POC1B: variants seen among roughly 807,000 people sequenced by gnomAD.
POC1B encodes the protein POC1 centriolar protein B.
A neutral mutation model predicts 60.6 loss-of-function variants in POC1B; 44 were observed. The ratio of observed to expected loss-of-function variants is 0.73; its 90% CI spans 0.57 to 0.93. The LOEUF (loss-of-function observed/expected upper bound fraction) is 0.93. POC1B is among the 40% of genes least tolerant of loss of function. The pLI, the probability that POC1B is intolerant of heterozygous loss-of-function variation, is 0.00. For missense variants in POC1B, 555 were observed against 572.3 expected, an observed-to-expected ratio of 0.97 and a Z score of 0.31; for synonymous variants, 180 against 198.9, an observed-to-expected ratio of 0.90 and a Z score of 0.80.
intron 9 of POC1B, among the ~76,000 whole-genome samples, chr12:89,463,894 T>G (rs1485984808): frequency 6.6e-6 from 1 of 152,146 alleles, no homozygotes; most frequent in South Asian, 2.1e-4. Context: ...TTCAAACAAG[T>G]GAAGCGCTTA....
At chr12:89,423,599 T>C (rs559847062) in intron 11 of POC1B, among the ~76,000 whole-genome samples, 8 of 152,356 alleles carry the variant, frequency 5.3e-5, no homozygotes, top group Non-Finnish European at 1.2e-4. Flanking sequence ...ATAAACACCG[T>C]CCAACTTAGT....
At chr12:89,421,374 A>C in intron 11 of POC1B, 117 bp from the exon 12 acceptor site, 1 of 811,558 alleles carries the variant, frequency 1.2e-6, no homozygotes, top group Middle Eastern at 2.5e-4. Context: ...TCTACCAAGA[A>C]GTTGGCTCAA....
chr12:89,417,017 T>C (rs1880376213), downstream of POC1B, among the ~76,000 whole-genome samples: 1 of 152,252 alleles, frequency 6.6e-6, no homozygotes, highest in South Asian at 2.1e-4. Context: ...TTTTTAAGTA[T>C]ATTCCATAAT....
intron 4 of POC1B, among the ~76,000 whole-genome samples, chr12:89,474,740 T>C (rs1883039876): frequency 6.6e-6 from 1 of 152,202 alleles, no homozygotes; most frequent in East Asian, 1.9e-4. Flanking sequence ...AAGTGTCTTC[T>C]ACTGGCCCAA....
At chr12:89,499,960 C>T (rs1163790192) in intron 2 of POC1B, 5 of 637,130 alleles carry the variant, frequency 7.8e-6, no homozygotes, top group East Asian at 5.6e-5. Context: ...CGGCGGCCAT[C>T]GCCTTCGACT....
At chr12:89,429,775 AT>A (rs1165048114) in intron 10 of POC1B, among the ~76,000 whole-genome samples, 5 of 152,214 alleles carry the variant, frequency 3.3e-5, no homozygotes, top group African/African-American at 1.2e-4. Context: ...AAGCAAACAC[AT>A]GATTGCAAGA....
chr12:89,419,120 C>T (rs187248753), downstream of POC1B, among the ~76,000 whole-genome samples: 54 of 151,904 alleles, frequency 3.6e-4, no homozygotes, highest in Non-Finnish European at 5.6e-4. Context: ...TTGACACATG[C>T]AAGTCCAGGA....
intron 2 of POC1B, among the ~76,000 whole-genome samples, chr12:89,510,763 C>CTTTT (rs56654469): frequency 0.27 from 38,067 of 138,656 alleles, 6,002 homozygotes; most frequent in Non-Finnish European, 0.34. Context: ...TGTTTTTATT[C>CTTTT]TTTTTTTTTT....
At chr12:89,471,590 AT>A in intron 6 of POC1B, 23 bp downstream of exon 6, 1 of 1,561,648 alleles carries the variant, frequency 6.4e-7, no homozygotes, top group Non-Finnish European at 8.8e-7. Context: ...CGGTAACTGA[AT>A]TTTTTGTTAG....
At chr12:89,410,628 C>T in the POC1B span, among the ~76,000 whole-genome samples, 18 of 149,406 alleles carry the variant, frequency 1.2e-4, no homozygotes, top group Non-Finnish European at 2.1e-4. Context: ...TGCAGTGAGC[C>T]GAGATCCGCC....
At chr12:89,501,214 G>A in intron 2 of POC1B, 1 of 1,405,700 alleles carries the variant, frequency 7.1e-7, no homozygotes, top group Non-Finnish European at 1.0e-6. Context: ...TCACCTAGTA[G>A]AGACATCTCA....
At chr12:89,435,695 T>C (rs974263623) in intron 10 of POC1B, among the ~76,000 whole-genome samples, 26 of 152,264 alleles carry the variant, frequency 1.7e-4, no homozygotes, top group Admixed American at 3.9e-4. Context: ...TATGTTTACA[T>C]AGAAAGATTT....
the POC1B span, among the ~76,000 whole-genome samples, chr12:89,403,320 A>G: frequency 1.3e-5 from 2 of 152,120 alleles, no homozygotes; most frequent in Admixed American, 6.6e-5. Flanking sequence ...ACACACGTAC[A>G]TTTTTAACTT....
At chr12:89,472,376 C>T in intron 4 of POC1B, 101 bp from the exon 5 acceptor site, 3 of 739,996 alleles carry the variant, frequency 4.1e-6, no homozygotes, top group East Asian at 5.5e-5. Context: ...TATTAAATAC[C>T]AGAGACCACT....
chr12:89,516,856 T>C (rs564612453), intron 2 of POC1B, among the ~76,000 whole-genome samples: 1 of 152,298 alleles, frequency 6.6e-6, no homozygotes, highest in East Asian at 1.9e-4. Context: ...TGCCTCTGGC[T>C]TCACGTGGCC....
chr12:89,470,883 G>A lies in POC1B; in HGVS notation c.677-389C>T, dbSNP rs549611243. 3.9e-5 allele frequency among the ~76,000 whole-genome samples: 6 copies of A among 152,274 alleles called. No homozygotes were observed. The South Asian group carries it at 1.2e-3, about 32-fold the overall frequency. On this transcript the variant is annotated intron_variant, in intron 6 of 11. Coordinates refer to ENST00000313546, the MANE Select transcript of POC1B (RefSeq NM_172240.3). ...GAAAAGTGTGGAGACAGTTTGAAAC[G>A]GGCACAGTCCTGCCATCATGCTTGA... is the stretch of plus-strand genomic sequence containing the variant.
chr12:89,438,313 T>C (rs947206205), intron 10 of POC1B, among the ~76,000 whole-genome samples: 4 of 151,710 alleles, frequency 2.6e-5, no homozygotes, highest in Non-Finnish European at 5.9e-5. Flanking sequence ...AAAAATTAGC[T>C]GGGTGCGGTG....
At chr12:89,488,466 A>G (rs1019378683) in intron 4 of POC1B, among the ~76,000 whole-genome samples, 6 of 152,144 alleles carry the variant, frequency 3.9e-5, no homozygotes, top group African/African-American at 1.4e-4. Context: ...AGCTATTATT[A>G]TTATACAGCT....
At chr12:89,476,541 CT>C (rs1883111208) in intron 4 of POC1B, among the ~76,000 whole-genome samples, 1 of 152,062 alleles carries the variant, frequency 6.6e-6, no homozygotes, top group Non-Finnish European at 1.5e-5. Context: ...ATCCCCATCT[CT>C]GCTAAAAATG....
Sources: allele counts gnomAD v4.1 joint callset (sites outside exome capture counted in the v4.1 genomes callset), GRCh38; gene constraint gnomAD v4.1.1; transcripts MANE v1.5; gene names NCBI Gene and HGNC (gene_info 2026-07-23, HGNC 2026-07-21).